The following BANK1 variants were observed in gnomAD, a reference collection of about 807,000 sequenced individuals.
BANK1 encodes the protein B cell scaffold protein with ankyrin repeats 1, also known as B-cell scaffold protein with ankyrin repeats.
A neutral mutation model predicts 94.5 loss-of-function variants in BANK1; 95 were observed. The ratio of observed to expected loss-of-function variants is 1.00; its 90% CI spans 0.85 to 1.19. BANK1 has a LOEUF of 1.19. BANK1 is among the 50% of genes most tolerant of loss of function. The pLI is 0.00. For synonymous variants in BANK1, 334 were observed against 308.4 expected, an observed-to-expected ratio of 1.08 and a Z score of -0.87; for missense variants, 987 against 932.2, an observed-to-expected ratio of 1.06 and a Z score of -0.77.
chr4:101,945,121 C>G (rs937054968), intron 7 of BANK1, among the ~76,000 whole-genome samples: 4 of 151,956 alleles, frequency 2.6e-5, no homozygotes, highest in Admixed American at 6.6e-5. Flanking sequence ...GATATTTGTA[C>G]AATTTACCTT....
chr4:102,039,890 T>C (rs1365443420), intron 10 of BANK1, among the ~76,000 whole-genome samples: 1 of 152,100 alleles, frequency 6.6e-6, no homozygotes, highest in East Asian at 1.9e-4. Flanking sequence ...TTTTCAAGCA[T>C]TATCATCAAT....
chr4:101,818,851 C>T (rs957005840), intron 1 of BANK1, among the ~76,000 whole-genome samples: 8 of 148,102 alleles, frequency 5.4e-5, no homozygotes, highest in East Asian at 2.0e-4. Flanking sequence ...GTATTCTCCA[C>T]GAATAAAGAA....
At chr4:101,840,737 T>A (rs753608880) in intron 2 of BANK1, among the ~76,000 whole-genome samples, 2 of 152,210 alleles carry the variant, frequency 1.3e-5, no homozygotes, top group Non-Finnish European at 2.9e-5. Context: ...GGCTCTCAGC[T>A]CTGAAGGCTG....
At chr4:102,008,675 T>C (rs1726385291) in intron 7 of BANK1, among the ~76,000 whole-genome samples, 1 of 152,232 alleles carries the variant, frequency 6.6e-6, no homozygotes. Context: ...TCAAACTATA[T>C]TACTGTGAAA....
chr4:101,893,378 A>G (rs914641161), intron 5 of BANK1, among the ~76,000 whole-genome samples: 4 of 151,972 alleles, frequency 2.6e-5, no homozygotes, highest in African/African-American at 7.2e-5. Context: ...TGCCACATCA[A>G]TCTCTACCCA....
intron 11 of BANK1, among the ~76,000 whole-genome samples, chr4:102,052,681 A>G (rs1019610724): frequency 6.6e-6 from 1 of 152,192 alleles, no homozygotes; most frequent in Non-Finnish European, 1.5e-5. Flanking sequence ...GAAGCTTTTT[A>G]TAAATATTTT....
intron 4 of BANK1, among the ~76,000 whole-genome samples, chr4:101,866,519 A>T (rs1406393635): frequency 6.6e-6 from 1 of 152,150 alleles, no homozygotes; most frequent in African/African-American, 2.4e-5. Context: ...TAAATATAAA[A>T]TATTGACACC....
intron 2 of BANK1, among the ~76,000 whole-genome samples, chr4:101,847,570 T>C (rs1372305419): frequency 6.6e-6 from 1 of 152,100 alleles, no homozygotes; most frequent in Non-Finnish European, 1.5e-5. Context: ...ATCATTCTTA[T>C]GCCTTTGTCT....
rs1037354207 is a variant in BANK1 at position 101,890,470 on chromosome 4, A to G, written c.904-4835A>G. Among the ~76,000 whole-genome samples, 14 of 151,530 alleles carry G rather than the reference A, an allele frequency of 9.2e-5. No individual in the cohort carries two copies. The East Asian group carries it at 2.7e-3, about 29-fold the overall frequency. ...TGATGTCTATTTTATTGATATTAATATAGCCATTTTTGCTTTCCTTTGTAA... is the reference window on the plus strand; with the variant it reads ...TGATGTCTATTTTATTGATATTAATGTAGCCATTTTTGCTTTCCTTTGTAA... On this transcript the variant is annotated intron_variant, in intron 5 of 16. Transcript: ENST00000322953.
At chr4:101,958,344 T>C (rs1306173688) in intron 7 of BANK1, among the ~76,000 whole-genome samples, 1 of 151,934 alleles carries the variant, frequency 6.6e-6, no homozygotes, top group Non-Finnish European at 1.5e-5. Context: ...CAAAATGGAA[T>C]AGTAAATTAA....
At chr4:102,052,444 T>C (rs1424993905) in intron 11 of BANK1, among the ~76,000 whole-genome samples, 1 of 152,078 alleles carries the variant, frequency 6.6e-6, no homozygotes, top group Non-Finnish European at 1.5e-5. Flanking sequence ...ACAAGTAATA[T>C]GAAAAGTTCA....
chr4:101,820,273 A>T (rs1726088893), intron 1 of BANK1, among the ~76,000 whole-genome samples: 1 of 152,160 alleles, frequency 6.6e-6, no homozygotes, highest in Non-Finnish European at 1.5e-5. Flanking sequence ...ACTCATGCTG[A>T]TACATATTGG....
intron 10 of BANK1, among the ~76,000 whole-genome samples, chr4:102,033,061 G>A (rs924525922): frequency 1.3e-5 from 2 of 152,042 alleles, no homozygotes. Flanking sequence ...ACTTTTTCTA[G>A]AATACTCTTC....
At chr4:101,799,730 C>T (rs191510225) in intron 1 of BANK1, among the ~76,000 whole-genome samples, 35 of 152,042 alleles carry the variant, frequency 2.3e-4, no homozygotes, top group Admixed American at 3.9e-4. Flanking sequence ...AAAAATTAGC[C>T]GGGCGTGCTG....
In BANK1 at chr4:101,839,968, T is replaced by A. The variant is rs1380531313; in HGVS notation, c.469+9762T>A. On this transcript the variant is annotated intron_variant, in intron 2 of 16. Transcript: ENST00000322953. ...TTTTTTTTTTTTTTTTTTTTTTTTT[T>A]TTTTTTTTTTTTTTTTTTGAGACAG... Among the ~76,000 whole-genome samples the A allele has an allele frequency of 6.4e-3, 496 of 77,074 alleles. 19 individuals carry two copies. Among genetic ancestry groups the A allele is most frequent in the African/African-American group, 0.025 (485 of 19,650 alleles). 50.6% of individuals were successfully genotyped at this position (77,074 alleles called of 152,430 possible).
intron 7 of BANK1, among the ~76,000 whole-genome samples, chr4:101,994,144 A>G (rs1288597200): frequency 6.6e-6 from 1 of 152,236 alleles, no homozygotes; most frequent in East Asian, 1.9e-4. Flanking sequence ...TTAAAAGTTG[A>G]GGAAAAATAA....
chr4:101,932,940 A>G (rs1377220263), intron 7 of BANK1, among the ~76,000 whole-genome samples: 1 of 151,536 alleles, frequency 6.6e-6, no homozygotes, highest in African/African-American at 2.4e-5. Context: ...AGGTGTTTAT[A>G]TAGGGCTGTC....
At chr4:101,979,456 C>A (rs1017891682) in intron 7 of BANK1, among the ~76,000 whole-genome samples, 3 of 151,804 alleles carry the variant, frequency 2.0e-5, no homozygotes, top group African/African-American at 7.2e-5. Context: ...ACTCACAATA[C>A]TATTAAATGT....
chr4:102,042,794 A>G (rs1458772749), intron 10 of BANK1, among the ~76,000 whole-genome samples: 2 of 151,992 alleles, frequency 1.3e-5, no homozygotes, highest in African/African-American at 2.4e-5. Context: ...TGTGTTGGAA[A>G]TGTTCTAATT....
Sources: allele counts gnomAD v4.1 joint callset (sites outside exome capture counted in the v4.1 genomes callset), GRCh38; gene constraint gnomAD v4.1.1; transcripts MANE v1.5; gene names NCBI Gene and HGNC (gene_info 2026-07-23, HGNC 2026-07-21).